Variants in CENPQ observed in about 807,000 individuals in gnomAD.
CENPQ encodes the protein centromere protein Q.
Under a neutral mutation model 36.6 loss-of-function variants are expected in CENPQ, and 27 were observed. The ratio of observed to expected loss-of-function variants is 0.74; its 90% CI spans 0.54 to 1.02. CENPQ has a LOEUF of 1.02. Among genes scored for constraint, CENPQ ranks in the 50% least tolerant of loss-of-function variants. The probability of loss-of-function intolerance (pLI) is 0.00; values close to 1 mark genes in which losing one functional copy is unlikely to be tolerated. For synonymous variants in CENPQ, 101 were observed against 101.7 expected, an observed-to-expected ratio of 0.99 and a Z score of 0.04; for missense variants, 306 against 301.8, an observed-to-expected ratio of 1.01 and a Z score of -0.10.
At chr6:49,488,766 A>T in intron 8 of CENPQ, 82 bp downstream of exon 8, 4 of 1,050,288 alleles carry the variant, frequency 3.8e-6, no homozygotes, top group Non-Finnish European at 5.9e-6. Context: ...CAAAAAAGCA[A>T]ATACTGCAAT....
chr6:49,473,961 G>T (rs1026905135), intron 5 of CENPQ, among the ~76,000 whole-genome samples: 1 of 152,150 alleles, frequency 6.6e-6, no homozygotes, highest in African/African-American at 2.4e-5. Flanking sequence ...TCAACAAGAA[G>T]AGCTAACTAT....
At chr6:49,489,094 T>A (rs1768660504) in intron 8 of CENPQ, among the ~76,000 whole-genome samples, 1 of 152,174 alleles carries the variant, frequency 6.6e-6, no homozygotes, top group South Asian at 2.1e-4. Flanking sequence ...CCACATCAGT[T>A]GATTCTTCCT....
chr6:49,470,622 CAAAAAAAAAA>C (rs1199878940), intron 2 of CENPQ, among the ~76,000 whole-genome samples: 3 of 66,384 alleles, frequency 4.5e-5, no homozygotes, highest in African/African-American at 5.9e-5. Flanking sequence ...GACTCCGTCT[CAAAAAAAAAA>C]AAAAAAAAAA....
At chr6:49,483,039 T>G (rs928756339) in intron 6 of CENPQ, among the ~76,000 whole-genome samples, 1 of 152,158 alleles carries the variant, frequency 6.6e-6, no homozygotes, top group Non-Finnish European at 1.5e-5. Context: ...TCAGGCAGCC[T>G]GCTTTTAGTC....
intron 6 of CENPQ, among the ~76,000 whole-genome samples, chr6:49,485,325 A>G (rs986313543): frequency 8.5e-5 from 13 of 152,218 alleles, no homozygotes; most frequent in African/African-American, 3.1e-4. Flanking sequence ...GGAAACAACA[A>G]TGGTGAACAC....
At chr6:49,487,837 G>A (rs192984539) in intron 6 of CENPQ, among the ~76,000 whole-genome samples, 30 of 151,950 alleles carry the variant, frequency 2.0e-4, no homozygotes, top group Admixed American at 1.2e-3. Flanking sequence ...TCTAAATTAT[G>A]TATTCCTTTA....
chr6:49,485,170 T>G (rs1048859748), intron 6 of CENPQ, among the ~76,000 whole-genome samples: 3 of 152,238 alleles, frequency 2.0e-5, no homozygotes, highest in African/African-American at 7.2e-5. Flanking sequence ...ATTCATTAGT[T>G]TTCTCCTCTG....
chr6:49,463,566 G>T lies in CENPQ; in HGVS notation c.-19+113G>T, dbSNP rs1581839923. 2.0e-5 allele frequency: 3 copies of T among 152,226 alleles called. No individual in the cohort carries two copies. In the South Asian group the frequency reaches 6.2e-4, roughly 32 times the overall value. 9.4% of individuals were successfully genotyped at this position (152,226 alleles called of 1,614,324 possible). A position where few individuals can be genotyped will look rare whatever the true frequency, so the allele number is the denominator to read the frequency against. On this transcript the variant is annotated intron_variant, in intron 1 of 8. Transcript: ENST00000335783. ...TTTGCATTTGAGGATAGCGAGGGGG[G>T]ATTGCTTACGGGGAAATGCCCGATG...
intron 1 of CENPQ, among the ~76,000 whole-genome samples, chr6:49,466,389 A>G (rs1335068763): frequency 6.6e-6 from 1 of 152,222 alleles, no homozygotes; most frequent in African/African-American, 2.4e-5. Context: ...GCTTGCCACA[A>G]ACCTTTAGTT....
intron 1 of CENPQ, among the ~76,000 whole-genome samples, chr6:49,467,729 T>G (rs1176909659): frequency 2.0e-5 from 3 of 152,120 alleles, no homozygotes; most frequent in Admixed American, 6.5e-5. Context: ...AAATGATTAA[T>G]GGACCCAAGC....
intron 8 of CENPQ, among the ~76,000 whole-genome samples, chr6:49,488,945 G>C (rs1158641265): frequency 6.6e-6 from 1 of 151,550 alleles, no homozygotes; most frequent in Non-Finnish European, 1.5e-5. Flanking sequence ...ACAATCATCT[G>C]CACCTTCAGC....
chr6:49,471,743 C>G (rs982164618), intron 3 of CENPQ, among the ~76,000 whole-genome samples: 1 of 152,022 alleles, frequency 6.6e-6, no homozygotes, highest in Non-Finnish European at 1.5e-5. Flanking sequence ...GTTTCCTGGT[C>G]CTCTCAATGA....
At chr6:49,482,162 C>T (rs964420191) in intron 6 of CENPQ, among the ~76,000 whole-genome samples, 12 of 152,280 alleles carry the variant, frequency 7.9e-5, no homozygotes, top group African/African-American at 2.2e-4. Context: ...CCAGCTGGCC[C>T]GCAAGCACCG....
chr6:49,487,900 A>T (rs1768629006), intron 6 of CENPQ, among the ~76,000 whole-genome samples: 2 of 151,988 alleles, frequency 1.3e-5, no homozygotes, highest in African/African-American at 2.4e-5. Context: ...AATGCCCAAC[A>T]TTACTTCCTT....
intron 1 of CENPQ, among the ~76,000 whole-genome samples, chr6:49,466,253 C>T (rs1474398525): frequency 1.3e-5 from 2 of 152,094 alleles, no homozygotes; most frequent in African/African-American, 2.4e-5. Context: ...TAACATCAAT[C>T]ACCATAACAG....
chr6:49,476,169 A>G (rs962555718), intron 5 of CENPQ, among the ~76,000 whole-genome samples: 2 of 152,222 alleles, frequency 1.3e-5, no homozygotes, highest in Admixed American at 6.5e-5. Context: ...CCTGACTTCA[A>G]ACTATATAAA....
At chr6:49,488,741 G>A in intron 8 of CENPQ, 57 bp downstream of exon 8, 1 of 1,418,514 alleles carries the variant, frequency 7.0e-7, no homozygotes, top group Non-Finnish European at 9.9e-7. Flanking sequence ...TTGCAAATTT[G>A]GATTCAGACC....
Position 49,488,610 on chromosome 6 carries a change from C to T in CENPQ, c.601C>T (p.His201Tyr). 6.2e-7 allele frequency: 1 copy of T among 1,612,236 alleles called. No homozygotes were observed. Among genetic ancestry groups the T allele is most frequent in the Non-Finnish European group, 8.5e-7 (1 of 1,178,406 alleles). The change falls in exon 8 of 9, where the codon CAT (histidine) becomes TAT (tyrosine). Residue 201 changes from histidine to tyrosine, a missense_variant. Coordinates refer to ENST00000335783, the MANE Select transcript of CENPQ (RefSeq NM_018132.4). ...EEEEERVKQM[H>Y]QINSSGVLSL... ...CTGTAGCTTTCTTCTACTTTAGATG[C>T]ATCAAATAAATAGTAGTGGAGTACT...
chr6:49,487,747 T>G (rs923980203), intron 6 of CENPQ, among the ~76,000 whole-genome samples: 1 of 152,184 alleles, frequency 6.6e-6, no homozygotes, highest in African/African-American at 2.4e-5. Flanking sequence ...AATTTTATAC[T>G]TGGCCTGCAC....
Sources: allele counts gnomAD v4.1 joint callset (sites outside exome capture counted in the v4.1 genomes callset), GRCh38; gene constraint gnomAD v4.1.1; transcripts MANE v1.5; gene names NCBI Gene and HGNC (gene_info 2026-07-23, HGNC 2026-07-21).